Variants in RAB8B observed in about 807,000 individuals in gnomAD.
The protein encoded by RAB8B is ras-related protein Rab-8B.
Under a neutral mutation model 32.0 loss-of-function variants are expected in RAB8B, and 11 were observed. The observed-to-expected ratio is 0.34, with a 90% CI of 0.22 to 0.57. The LOEUF is 0.57. Among genes scored for constraint, RAB8B ranks in the 20% least tolerant of loss-of-function variants. The pLI is 0.86. For missense variants in RAB8B, 190 were observed against 258.5 expected, an observed-to-expected ratio of 0.73 and a Z score of 1.82; for synonymous variants, 103 against 89.6, an observed-to-expected ratio of 1.15 and a Z score of -0.85.
In RAB8B at chr15:63,218,246, C is replaced by T. The variant is rs558628156; in HGVS notation, c.125-26510C>T. On this transcript the variant is annotated intron_variant, in intron 1 of 7. Transcript: ENST00000321437. ...AAGTTACTTATCTGGACCTCTGTTT[C>T]CTCTTACGTTAAATGGGGATTAAAG... Among the ~76,000 whole-genome samples the T allele has an allele frequency of 2.7e-4, 41 of 152,282 alleles. 1 individual carries two copies. The South Asian group carries it at 8.3e-3, about 31-fold the overall frequency.
At chr15:63,258,307 G>T (rs1213253391) in intron 5 of RAB8B, among the ~76,000 whole-genome samples, 1 of 151,984 alleles carries the variant, frequency 6.6e-6, no homozygotes, top group Non-Finnish European at 1.5e-5. Flanking sequence ...TCACCATGCT[G>T]GCCAGGCTGG....
At chr15:63,238,200 G>GT (rs1459945066) in intron 1 of RAB8B, among the ~76,000 whole-genome samples, 1 of 150,804 alleles carries the variant, frequency 6.6e-6, no homozygotes, top group Non-Finnish European at 1.5e-5. Flanking sequence ...CAAAAACTAT[G>GT]TTTTTTGAGA....
chr15:63,260,814 TAA>T (rs1567022177), intron 6 of RAB8B, among the ~76,000 whole-genome samples: 1 of 152,252 alleles, frequency 6.6e-6, no homozygotes, highest in Non-Finnish European at 1.5e-5. Flanking sequence ...ATTCTTTTAA[TAA>T]TACTGATAGT....
At chr15:63,209,126 C>T (rs370477059) in intron 1 of RAB8B, among the ~76,000 whole-genome samples, 11 of 151,964 alleles carry the variant, frequency 7.2e-5, no homozygotes, top group East Asian at 1.9e-4. Context: ...CCTGAGCTCA[C>T]GCAATCTACC....
intron 1 of RAB8B, among the ~76,000 whole-genome samples, chr15:63,227,047 G>T (rs2037894556): frequency 6.6e-6 from 1 of 152,120 alleles, no homozygotes; most frequent in African/African-American, 2.4e-5. Flanking sequence ...TGGCCATTTT[G>T]GTTTTGGTGG....
At chr15:63,262,570 A>C (rs1680292821) in intron 6 of RAB8B, 122 bp from the exon 7 acceptor site, 2 of 283,278 alleles carry the variant, frequency 7.1e-6, no homozygotes, top group Non-Finnish European at 1.2e-5. Context: ...GTTCCAATTC[A>C]GCCAGGGCAA....
intron 1 of RAB8B, among the ~76,000 whole-genome samples, chr15:63,211,197 T>G (rs532433095): frequency 6.6e-6 from 1 of 152,374 alleles, no homozygotes; most frequent in Non-Finnish European, 1.5e-5. Context: ...AAATCTCTTT[T>G]GGCCTAACTT....
intron 6 of RAB8B, among the ~76,000 whole-genome samples, chr15:63,262,384 T>C (rs1567022481): frequency 6.6e-6 from 1 of 152,192 alleles, no homozygotes; most frequent in Non-Finnish European, 1.5e-5. Context: ...AGTAAACACA[T>C]GCATACTATG....
chr15:63,232,850 T>G (rs2037946469), intron 1 of RAB8B, among the ~76,000 whole-genome samples: 1 of 152,198 alleles, frequency 6.6e-6, no homozygotes, highest in African/African-American at 2.4e-5. Flanking sequence ...AAACTTACTT[T>G]TATTGTGTTT....
intron 3 of RAB8B, 129 bp downstream of exon 3, chr15:63,249,834 A>G: frequency 1.9e-6 from 2 of 1,062,958 alleles, no homozygotes; most frequent in South Asian, 3.1e-5. Flanking sequence ...GGGAAACAAG[A>G]CATTTAAAAG....
chr15:63,199,216 C>G (rs1485194327), intron 1 of RAB8B, among the ~76,000 whole-genome samples: 1 of 152,226 alleles, frequency 6.6e-6, no homozygotes, highest in African/African-American at 2.4e-5. Context: ...CTTCCCCTAT[C>G]TCTTTGGCTA....
rs2038185534 is a variant in RAB8B at position 63,259,401 on chromosome 15, C to T, written c.415-226C>T. On this transcript the variant is annotated intron_variant, in intron 5 of 7. Transcript: ENST00000321437. The surrounding 1 kb of genome is among the most constrained non-coding windows in gnomAD (Gnocchi z 4.4). ...CCCAAAGTGCGTGAGCCACCATGCCCGGCCTTAAATTATGTTTGAAATGGA... is the reference window on the plus strand; with the variant it reads ...CCCAAAGTGCGTGAGCCACCATGCCTGGCCTTAAATTATGTTTGAAATGGA... Among the ~76,000 whole-genome samples, 1 of 152,092 alleles carries T rather than the reference C, an allele frequency of 6.6e-6. No individual in the cohort carries two copies. The highest frequency in any genetic ancestry group is 6.6e-5 in the Admixed American group (1 of 15,260).
intron 1 of RAB8B, among the ~76,000 whole-genome samples, chr15:63,203,393 A>C (rs1380889945): frequency 6.6e-6 from 1 of 152,260 alleles, no homozygotes; most frequent in Non-Finnish European, 1.5e-5. Flanking sequence ...CTTTATTATA[A>C]GAAGGATAGA....
intron 1 of RAB8B, among the ~76,000 whole-genome samples, chr15:63,226,620 C>T (rs1470559479): frequency 6.6e-6 from 1 of 152,170 alleles, no homozygotes; most frequent in South Asian, 2.1e-4. Context: ...TTTCTTCACA[C>T]TTCTCATTCT....
At chr15:63,245,302 C>T (rs1595747330) in intron 2 of RAB8B, among the ~76,000 whole-genome samples, 2 of 152,104 alleles carry the variant, frequency 1.3e-5, no homozygotes, top group African/African-American at 4.8e-5. Context: ...CATTGGAGTT[C>T]CCCTCCAGCT....
At chr15:63,233,768 A>C (rs2037955077) in intron 1 of RAB8B, among the ~76,000 whole-genome samples, 1 of 152,230 alleles carries the variant, frequency 6.6e-6, no homozygotes, top group Non-Finnish European at 1.5e-5. Context: ...GCCTGGGATC[A>C]CGTGTTTCCA....
At chr15:63,256,718 A>G (rs905359491) in intron 5 of RAB8B, 124 bp downstream of exon 5, 5 of 691,024 alleles carry the variant, frequency 7.2e-6, no homozygotes, top group Non-Finnish European at 1.2e-5. Context: ...TTGGATATCA[A>G]CAACAAAGAG....
intron 1 of RAB8B, among the ~76,000 whole-genome samples, chr15:63,244,233 G>A (rs1276869216): frequency 1.3e-5 from 2 of 152,200 alleles, no homozygotes; most frequent in Admixed American, 6.5e-5. Context: ...TTATTAAAAT[G>A]TGTATAAAAT....
chr15:63,190,615 A>G (rs1788286857), intron 1 of RAB8B, among the ~76,000 whole-genome samples: 1 of 152,206 alleles, frequency 6.6e-6, no homozygotes, highest in South Asian at 2.1e-4. Flanking sequence ...AATGTGACTA[A>G]TGATGGAATA....
Sources: allele counts gnomAD v4.1 joint callset (sites outside exome capture counted in the v4.1 genomes callset), GRCh38; gene constraint gnomAD v4.1.1; non-coding constraint Gnocchi (gnomAD v3.1); transcripts MANE v1.5; gene names NCBI Gene and HGNC (gene_info 2026-07-23, HGNC 2026-07-21).